The following RFT1 variants were observed in gnomAD, a reference collection of about 807,000 sequenced individuals.
RFT1 encodes the protein man(5)GlcNAc(2)-PP-dolichol translocation protein RFT1.
A neutral mutation model predicts 62.2 loss-of-function variants in RFT1; 43 were observed. The observed-to-expected ratio is 0.69, with a 90% CI of 0.54 to 0.89. RFT1 has a LOEUF of 0.89. Ranked by LOEUF, RFT1 falls within the 40% of genes least tolerant of loss-of-function variation. RFT1 has a pLI of 0.00. For missense variants in RFT1, 605 were observed against 649.9 expected (o/e 0.93, Z 0.75); for synonymous variants, 262 against 264.6 (o/e 0.99, Z 0.10).
At chr3:53,092,203 T>C (rs1166428372) in intron 12 of RFT1, 133 bp from the exon 13 acceptor site, 10 of 1,388,622 alleles carry the variant, frequency 7.2e-6, no homozygotes, top group South Asian at 6.2e-5. Flanking sequence ...TGCAGGTCCA[T>C]TGTTTCCCCA....
At chr3:53,101,308 C>T (rs1701306754) in intron 10 of RFT1, among the ~76,000 whole-genome samples, 1 of 152,160 alleles carries the variant, frequency 6.6e-6, no homozygotes, top group South Asian at 2.1e-4. Flanking sequence ...AGGCTCTGCA[C>T]CCGGGAGGCT....
chr3:53,117,753 G>A (rs1314673016), intron 6 of RFT1, among the ~76,000 whole-genome samples: 1 of 152,290 alleles, frequency 6.6e-6, no homozygotes, highest in South Asian at 2.1e-4. Context: ...ACCCACTTGT[G>A]CCAGGCCACA....
rs1700984935 is a variant in RFT1 at position 53,091,460 on chromosome 3, A to C, written c.*443T>G. On this transcript the variant is annotated 3_prime_UTR_variant, in exon 13 of 13. Transcript: ENST00000296292. Reference sequence around the variant, plus strand: ...TTTCCATGTGGTGCATGAGAGAGAGAGGTTTCTCTCTCTCTTTTACAGAAG... The same window carrying C: ...TTTCCATGTGGTGCATGAGAGAGAGCGGTTTCTCTCTCTCTTTTACAGAAG... The C allele has an allele frequency of 4.9e-6, 1 of 202,436 alleles. No individual in the cohort carries two copies. Among genetic ancestry groups the C allele is most frequent in the Non-Finnish European group, 1.0e-5 (1 of 96,994 alleles). 12.5% of individuals were successfully genotyped at this position (202,436 alleles called of 1,614,324 possible). A position where few individuals can be genotyped will look rare whatever the true frequency, so the allele number is the denominator to read the frequency against.
At chr3:53,092,149 G>A in intron 12 of RFT1, 79 bp from the exon 13 acceptor site, 12 of 1,564,250 alleles carry the variant, frequency 7.7e-6, no homozygotes, top group South Asian at 1.1e-5. Context: ...GAAGACAGCT[G>A]TGGTTCCAGC....
At chr3:53,123,414 T>A (rs1326838386) in intron 3 of RFT1, among the ~76,000 whole-genome samples, 2 of 152,140 alleles carry the variant, frequency 1.3e-5, no homozygotes. Context: ...ACAGGCCAAG[T>A]GGAGCCCACA....
At chr3:53,076,687 C>T in the RFT1 span, among the ~76,000 whole-genome samples, 1 of 152,134 alleles carries the variant, frequency 6.6e-6, no homozygotes, top group Non-Finnish European at 1.5e-5. Flanking sequence ...GGTGCAGTGG[C>T]TCATGCTTGT....
At chr3:53,086,579 G>A (rs1400272782), downstream of RFT1, among the ~76,000 whole-genome samples, 2 of 152,172 alleles carry the variant, frequency 1.3e-5, no homozygotes, top group African/African-American at 2.4e-5. Context: ...GCCTCCCAAA[G>A]TGCTGGGATT....
the RFT1 span, among the ~76,000 whole-genome samples, chr3:53,074,784 T>G: frequency 6.6e-6 from 1 of 152,222 alleles, no homozygotes; most frequent in African/African-American, 2.4e-5. Context: ...TGCCAGGCTG[T>G]GTCCACATCC....
chr3:53,109,208 C>T (rs1405351760), intron 7 of RFT1, among the ~76,000 whole-genome samples: 1 of 152,166 alleles, frequency 6.6e-6, no homozygotes, highest in Admixed American at 6.5e-5. Context: ...CTGCAGGGCC[C>T]TCCCTGTCTT....
chr3:53,092,585 TGAG>T lies in RFT1; in HGVS notation c.1239_1241del (p.Ser414del), dbSNP rs1553651808. On this transcript the variant is annotated inframe_deletion, in exon 12 of 13. Coordinates refer to ENST00000296292, the MANE Select transcript of RFT1 (RefSeq NM_052859.4). ...TCAAGAGATAGGATAACACCAGGAA[TGAG>T]GAGGACAGGGCCAGCATCACAAAAT... is the stretch of plus-strand genomic sequence containing the variant. 1.2e-6 allele frequency: 2 copies of T among 1,612,282 alleles called. No homozygotes were observed. Among genetic ancestry groups the T allele is most frequent in the African/African-American group, 1.3e-5 (1 of 74,932 alleles).
At position 53,091,241 on chromosome 3, in the gene RFT1, T is replaced by G. The variant is rs1700977873; in HGVS notation, c.*662A>C. The G allele has an allele frequency of 6.4e-6, 1 of 155,194 alleles. No individual in the cohort carries two copies. The highest frequency in any genetic ancestry group is 2.4e-5 in the African/African-American group (1 of 41,454). The allele number at this position is 155,194 out of a possible 1,614,324, so 9.6% of individuals were successfully genotyped here. A position where few individuals can be genotyped will look rare whatever the true frequency, so the allele number is the denominator to read the frequency against. On this transcript the variant is annotated 3_prime_UTR_variant, in exon 13 of 13. Transcript: ENST00000296292. ...GAGAGCCCACTCTGGGTCAAGTATG[T>G]GCTGACCTGGGGCGGCGGGGAACAG...
At chr3:53,088,438 T>A (rs1700905023), downstream of RFT1, 1 of 152,166 alleles carries the variant, frequency 6.6e-6, no homozygotes, top group South Asian at 2.1e-4. Context: ...ATTAAAGAAT[T>A]TTTGTCCCTT....
At chr3:53,084,712 G>T (rs939298256), downstream of RFT1, among the ~76,000 whole-genome samples, 1 of 152,226 alleles carries the variant, frequency 6.6e-6, no homozygotes, top group South Asian at 2.1e-4. Flanking sequence ...TTCCCACTGA[G>T]CACTGTGAAC....
rs1210961683 is a variant in RFT1, at chr3:53,102,570, GAGA to G, written c.1102+1380_1102+1382del. Among the ~76,000 whole-genome samples, 3 of 152,184 alleles carry G rather than the reference GAGA, an allele frequency of 2.0e-5. No homozygotes were observed. The East Asian group carries it at 5.8e-4, about 29-fold the overall frequency. On this transcript the variant is annotated intron_variant, in intron 10 of 12. Transcript: ENST00000296292. ...GAAAAAGCAAAGCAAAGCTAGGTGT[GAGA>G]AGGATTTCTAAGAAAAGCCTCTAGA...
At chr3:53,093,020 G>A (rs1701041836) in intron 11 of RFT1, among the ~76,000 whole-genome samples, 1 of 152,178 alleles carries the variant, frequency 6.6e-6, no homozygotes, top group Non-Finnish European at 1.5e-5. Flanking sequence ...CATGGGCCTT[G>A]CCCTGCAGAG....
intron 11 of RFT1, among the ~76,000 whole-genome samples, chr3:53,097,777 T>C (rs1701185068): frequency 6.6e-6 from 1 of 152,264 alleles, no homozygotes; most frequent in Non-Finnish European, 1.5e-5. Context: ...ATTTTTAAGT[T>C]ATTCAATGTT....
At chr3:53,114,219 C>T (rs546638011) in intron 6 of RFT1, among the ~76,000 whole-genome samples, 1 of 152,286 alleles carries the variant, frequency 6.6e-6, no homozygotes, top group East Asian at 1.9e-4. Context: ...TGGTGGTCCT[C>T]CCAGGGGTCA....
intron 12 of RFT1, 127 bp downstream of exon 12, chr3:53,092,242 G>C: frequency 6.9e-7 from 1 of 1,444,966 alleles, no homozygotes; most frequent in African/African-American, 1.4e-5. Context: ...CACATTATCA[G>C]AAGATGCTGC....
chr3:53,066,920 C>G, the RFT1 span, among the ~76,000 whole-genome samples: 1 of 152,196 alleles, frequency 6.6e-6, no homozygotes, highest in African/African-American at 2.4e-5. Flanking sequence ...AAATATCCAT[C>G]AATAGGAGAA....
Sources: allele counts gnomAD v4.1 joint callset (sites outside exome capture counted in the v4.1 genomes callset), GRCh38; gene constraint gnomAD v4.1.1; transcripts MANE v1.5; gene names NCBI Gene and HGNC (gene_info 2026-07-23, HGNC 2026-07-21).